The following PVALEF variants were observed in gnomAD, a reference collection of about 807,000 sequenced individuals.
The protein encoded by PVALEF is parvalbumin-like EF-hand-containing protein.
PVALEF carries 2 observed loss-of-function variants against 1.2 expected under a neutral mutation model. That is an observed-to-expected ratio of 1.68 (90% CI 0.69 to 5.28). The LOEUF (loss-of-function observed/expected upper bound fraction) is 5.28. Ranked by LOEUF, PVALEF falls within the 30% of genes most tolerant of loss-of-function variation. The pLI is 0.06. For synonymous variants in PVALEF, 16 were observed against 6.5 expected (o/e 2.47, Z -2.24); for missense variants, 35 against 17.7 (o/e 1.97, Z -1.75).
Position 81,165,731 on chromosome 17 carries a change from C to G in PVALEF, c.-524C>G, listed in dbSNP as rs1345767320. 1 of 1,524,010 alleles carries G rather than the reference C, an allele frequency of 6.6e-7. No homozygotes were observed. The highest frequency in any genetic ancestry group is 8.8e-7 in the Non-Finnish European group (1 of 1,137,726). 94.4% of individuals were successfully genotyped at this position (1,524,010 alleles called of 1,614,324 possible). A position where few individuals can be genotyped will look rare whatever the true frequency, so the allele number is the denominator to read the frequency against. On this transcript the variant is annotated 5_prime_UTR_variant, in exon 1 of 7. Coordinates refer to ENST00000637878, the MANE Select transcript of PVALEF (RefSeq NM_001354639.2). ...GTCACGACCACGCGGGGGACGCCAGCCCACAGGCGGAGGCCGGTTTGTGCT... is the reference window on the plus strand; with the variant it reads ...GTCACGACCACGCGGGGGACGCCAGGCCACAGGCGGAGGCCGGTTTGTGCT...
At chr17:81,180,931 C>G (rs560859602) in intron 3 of PVALEF, among the ~76,000 whole-genome samples, 192 bp from the exon 4 acceptor site, 85 of 152,314 alleles carry the variant, frequency 5.6e-4, no homozygotes, top group South Asian at 2.9e-3. Flanking sequence ...CCCAACCCCC[C>G]CTGGGGACGG....
intron 2 of PVALEF, among the ~76,000 whole-genome samples, chr17:81,171,713 C>T (rs1254184471): frequency 2.0e-5 from 3 of 152,064 alleles, no homozygotes; most frequent in African/African-American, 4.8e-5. Flanking sequence ...AGGATGGTCT[C>T]GATCTCCTGA....
intron 2 of PVALEF, among the ~76,000 whole-genome samples, chr17:81,169,918 G>A (rs748353975): frequency 2.0e-5 from 3 of 151,838 alleles, no homozygotes; most frequent in Non-Finnish European, 2.9e-5. Flanking sequence ...GTATCGGTTT[G>A]TGTGTGCATG....
chr17:81,174,640 G>T (rs1190008658), intron 2 of PVALEF, among the ~76,000 whole-genome samples: 3 of 143,452 alleles, frequency 2.1e-5, no homozygotes, highest in Non-Finnish European at 4.6e-5. Context: ...AAAAAAAAAA[G>T]AAAGAAAAAT....
chr17:81,178,778 G>A (rs762615925), intron 2 of PVALEF, 140 bp from the exon 3 acceptor site: 16 of 171,974 alleles, frequency 9.3e-5, no homozygotes, highest in South Asian at 5.2e-4. Context: ...GGCCCGAGGC[G>A]TGGGTTCCAG....
chr17:81,167,998 G>A (rs971060519), intron 2 of PVALEF, among the ~76,000 whole-genome samples: 1 of 152,190 alleles, frequency 6.6e-6, no homozygotes, highest in African/African-American at 2.4e-5. Context: ...TCCAGTGTGA[G>A]GGACAGAGGG....
chr17:81,181,224 AG>A lies in PVALEF; in HGVS notation c.-1del. 1.4e-6 allele frequency: 1 copy of A among 702,970 alleles called. No homozygotes were observed. Among genetic ancestry groups the A allele is most frequent in the East Asian group, 2.7e-5 (1 of 37,282 alleles). The allele number at this position is 702,970 out of a possible 1,614,324, so 43.5% of individuals were successfully genotyped here. On this transcript the variant is annotated 5_prime_UTR_variant, in exon 4 of 7. Coordinates refer to ENST00000637878, the MANE Select transcript of PVALEF (RefSeq NM_001354639.2). ...ATTGACTCCCTATCCACCCAGGACC[AG>A]GATGGAGGAGGACTTCTCCTCCCAG...
intron 2 of PVALEF, among the ~76,000 whole-genome samples, chr17:81,169,741 T>C (rs894450571): frequency 2.1e-5 from 3 of 140,124 alleles, no homozygotes; most frequent in African/African-American, 5.2e-5. Flanking sequence ...TGCGTGTGTG[T>C]GTACGTGTCT....
At chr17:81,182,228 T>C in intron 6 of PVALEF, 147 bp downstream of exon 6, 1 of 396,094 alleles carries the variant, frequency 2.5e-6, no homozygotes, top group East Asian at 3.6e-5. Context: ...GGAGTCTAGG[T>C]GCTCTTCCCT....
chr17:81,165,996 C>T, intron 1 of PVALEF: 2 of 1,566,488 alleles, frequency 1.3e-6, no homozygotes, highest in Middle Eastern at 1.7e-4. Context: ...ACGACATGGC[C>T]GGGCCAGCGG....
chr17:81,176,699 G>A (rs77322474), intron 2 of PVALEF, among the ~76,000 whole-genome samples: 3,203 of 151,936 alleles, frequency 0.021, 75 homozygotes, highest in East Asian at 0.15. Flanking sequence ...GAAACTCTAC[G>A]GCAGCTCCTC....
At chr17:81,177,858 G>A (rs2061540760) in intron 2 of PVALEF, among the ~76,000 whole-genome samples, 1 of 152,182 alleles carries the variant, frequency 6.6e-6, no homozygotes, top group Admixed American at 6.5e-5. Context: ...CCAAAGTTGG[G>A]CAAGAATTTA....
intron 2 of PVALEF, among the ~76,000 whole-genome samples, chr17:81,174,097 T>A (rs1036960284): frequency 1.3e-5 from 2 of 152,136 alleles, no homozygotes; most frequent in Non-Finnish European, 1.5e-5. Flanking sequence ...TACCCTTTCA[T>A]GATAAAAATG....
chr17:81,172,655 G>A (rs1034246932), intron 2 of PVALEF, among the ~76,000 whole-genome samples: 4 of 152,136 alleles, frequency 2.6e-5, no homozygotes, highest in African/African-American at 7.2e-5. Flanking sequence ...AGCTACCTGG[G>A]AGGCTGAGGC....
intron 2 of PVALEF, among the ~76,000 whole-genome samples, chr17:81,172,521 T>C (rs1423657943): frequency 6.6e-6 from 1 of 152,154 alleles, no homozygotes; most frequent in Non-Finnish European, 1.5e-5. Flanking sequence ...CTCATGCCTG[T>C]AATCCCGGCA....
intron 1 of PVALEF, chr17:81,166,126 C>T: frequency 2.7e-6 from 1 of 376,900 alleles, no homozygotes; most frequent in Non-Finnish European, 3.6e-6. Context: ...CCCGCGCCCC[C>T]CGCCGCAGCC....
At chr17:81,165,892 AGC>A in intron 1 of PVALEF, 145 bp downstream of exon 1, 1 of 1,555,478 alleles carries the variant, frequency 6.4e-7, no homozygotes, top group Non-Finnish European at 8.7e-7. Context: ...TCACGTCCGC[AGC>A]GGAGGGAGGC....
intron 1 of PVALEF, chr17:81,165,984 C>T: frequency 1.3e-6 from 2 of 1,582,214 alleles, no homozygotes; most frequent in Non-Finnish European, 1.7e-6. Flanking sequence ...TGAAGAAGGA[C>T]GACGACATGG....
At chr17:81,179,180 G>A (rs1333176925) in intron 3 of PVALEF, 28 bp downstream of exon 3, 2 of 319,900 alleles carry the variant, frequency 6.3e-6, no homozygotes, top group South Asian at 2.3e-5. Flanking sequence ...GGGGGGTGTG[G>A]GTCTCTGGCC....
Sources: gnomAD v4.1 joint callset for allele counts (sites outside exome capture counted in the v4.1 genomes callset) on GRCh38, gnomAD v4.1.1 for gene constraint, MANE v1.5 for transcripts, NCBI Gene and HGNC (gene_info 2026-07-23, HGNC 2026-07-21) for gene names.